The following RHOQ variants were observed in gnomAD, a reference collection of about 807,000 sequenced individuals.
The protein encoded by RHOQ is ras homolog family member Q.
In RHOQ, 7 loss-of-function variants were observed where a neutral mutation model predicts 25.8. The ratio of observed to expected loss-of-function variants is 0.27; its 90% CI spans 0.15 to 0.51. The LOEUF (loss-of-function observed/expected upper bound fraction) is 0.51. RHOQ is among the 20% of genes least tolerant of loss of function. The pLI is 0.97. For missense variants in RHOQ, 165 were observed against 260.6 expected, an observed-to-expected ratio of 0.63 and a Z score of 2.53; for synonymous variants, 97 against 98.6, an observed-to-expected ratio of 0.98 and a Z score of 0.10.
intron 4 of RHOQ, 162 bp from the exon 5 acceptor site, chr2:46,580,766 T>C (rs762500512): frequency 6.3e-6 from 3 of 477,104 alleles, no homozygotes; most frequent in South Asian, 5.6e-5. Context: ...GAAGGACATA[T>C]ACTAGTATTT....
intron 1 of RHOQ, 97 bp from the exon 2 acceptor site, chr2:46,543,657 C>A: frequency 9.3e-7 from 1 of 1,072,604 alleles, no homozygotes; most frequent in Non-Finnish European, 1.4e-6. Context: ...ACGCCTCTAG[C>A]TGGGTTGGGA....
chr2:46,575,972 A>G (rs1669109730), intron 2 of RHOQ, 115 bp from the exon 3 acceptor site: 2 of 765,888 alleles, frequency 2.6e-6, no homozygotes, highest in Admixed American at 3.5e-5. Context: ...AGTGCCATAC[A>G]TTCCACTAGT....
Position 46,572,871 on chromosome 2 carries a change from C to T in RHOQ, c.202-3216C>T, listed in dbSNP as rs899018206. The T allele has an allele frequency of 4.7e-5, 18 of 379,888 alleles. No homozygotes were observed. In the Admixed American group the frequency reaches 5.4e-4, roughly 11 times the overall value. 23.5% of individuals were successfully genotyped at this position (379,888 alleles called of 1,614,324 possible). On this transcript the variant is annotated intron_variant, in intron 2 of 4. Coordinates refer to ENST00000238738, the MANE Select transcript of RHOQ (RefSeq NM_012249.4). ...GAAGATGAAAGATTCTGCACACCTCCACTTATTCATTCCCAAATCCCACAT... is the reference window on the plus strand; with the variant it reads ...GAAGATGAAAGATTCTGCACACCTCTACTTATTCATTCCCAAATCCCACAT...
chr2:46,574,781 T>C (rs1475729087), intron 2 of RHOQ, among the ~76,000 whole-genome samples: 1 of 152,160 alleles, frequency 6.6e-6, no homozygotes, highest in Non-Finnish European at 1.5e-5. Context: ...AAAGTTATAT[T>C]ATGAAAAATG....
At position 46,576,348 on chromosome 2, in the gene RHOQ, G is replaced by GT. The variant is rs534359566; in HGVS notation, c.366+98dup. On this transcript the variant is annotated intron_variant, in intron 3 of 4. Transcript: ENST00000238738. This position sits in a 1 kb window ranked among gnomAD's most constrained non-coding sequence, Gnocchi z 5.1. The stretch of plus-strand genomic sequence containing the variant: ...ACAGTCCCAAAGCTGAGCAAATGAT[G>GT]TAAGTGTTTAATCTCAGCTGCAAGT... 5.6e-5 allele frequency: 63 copies of GT among 1,123,328 alleles called. 1 individual carries two copies. The East Asian group carries it at 8.9e-4, about 16-fold the overall frequency. 69.6% of individuals were successfully genotyped at this position (1,123,328 alleles called of 1,614,324 possible). A position where few individuals can be genotyped will look rare whatever the true frequency, so the allele number is the denominator to read the frequency against.
In RHOQ at chr2:46,584,677, G is replaced by A. The variant is rs895562127; in HGVS notation, c.*3594G>A. On this transcript the variant is annotated 3_prime_UTR_variant, in exon 5 of 5. Coordinates refer to ENST00000238738, the MANE Select transcript of RHOQ (RefSeq NM_012249.4). The stretch of plus-strand genomic sequence containing the variant: ...GCAAATTAAAATGTGGACTGGCTTT[G>A]AAGACTGTTAATGATGGGTCAGGCT... Among the ~76,000 whole-genome samples, 3 of 152,170 alleles carry A rather than the reference G, an allele frequency of 2.0e-5. No individual in the cohort carries two copies. The highest frequency in any genetic ancestry group is 4.4e-5 in the Non-Finnish European group (3 of 68,020).
At chr2:46,564,941 T>C (rs1668685467) in intron 2 of RHOQ, among the ~76,000 whole-genome samples, 1 of 152,204 alleles carries the variant, frequency 6.6e-6, no homozygotes, top group African/African-American at 2.4e-5. Flanking sequence ...AACACAGCAA[T>C]GGGCTATGTA....
intron 2 of RHOQ, chr2:46,560,759 C>G (rs530188153): frequency 3.2e-6 from 1 of 313,746 alleles, no homozygotes; most frequent in Non-Finnish European, 6.7e-6. Context: ...TCTGTATAGA[C>G]CATGACTTTT....
Position 46,552,228 on chromosome 2 carries a change from T to G in RHOQ, c.201+8416T>G, listed in dbSNP as rs6740585. 0.024 allele frequency among the ~76,000 whole-genome samples: 3,695 copies of G among 152,276 alleles called. 49 individuals carry two copies. Among genetic ancestry groups the G allele is most frequent in the African/African-American group, 0.032 (1,338 of 41,554 alleles). On this transcript the variant is annotated intron_variant, in intron 2 of 4. Coordinates refer to ENST00000238738, the MANE Select transcript of RHOQ (RefSeq NM_012249.4). The surrounding 1 kb of genome is among the most constrained non-coding windows in gnomAD (Gnocchi z 5.0). ...TGCCCCACGTGACGTTACGGGTGTT[T>G]TGTCACTTTGTCCCTAAACCACCAT...
chr2:46,543,320 G>T (rs1376171264), intron 1 of RHOQ, 132 bp downstream of exon 1: 43 of 990,748 alleles, frequency 4.3e-5, no homozygotes, highest in Non-Finnish European at 3.9e-5. Flanking sequence ...TCTGCCAGGC[G>T]GCCGGCCCCA....
intron 2 of RHOQ, among the ~76,000 whole-genome samples, chr2:46,544,799 G>C (rs578120460): frequency 6.6e-6 from 1 of 152,326 alleles, no homozygotes; most frequent in African/African-American, 2.4e-5. Flanking sequence ...GTCTTTGGGG[G>C]AAGTCCAGTA....
In RHOQ at chr2:46,576,464, C is replaced by T; in HGVS notation, c.367-97C>T. ...TAAAAATTAAGTTCTTTTGTTTAATCTTTTTTTGGTATGTGGGAATTAAGT... is the reference window on the plus strand; with the variant it reads ...TAAAAATTAAGTTCTTTTGTTTAATTTTTTTTTGGTATGTGGGAATTAAGT... On this transcript the variant is annotated intron_variant, in intron 3 of 4. Transcript: ENST00000238738. This position sits in a 1 kb window ranked among gnomAD's most constrained non-coding sequence, Gnocchi z 5.1. 1.1e-6 allele frequency: 1 copy of T among 919,488 alleles called. No homozygotes were observed. 57.0% of individuals were successfully genotyped at this position (919,488 alleles called of 1,614,324 possible).
At chr2:46,579,049 A>G (rs774987021) in intron 4 of RHOQ, among the ~76,000 whole-genome samples, 6 of 152,242 alleles carry the variant, frequency 3.9e-5, no homozygotes, top group Non-Finnish European at 7.3e-5. Context: ...TATAATGGCA[A>G]AAATTCCCTG....
intron 4 of RHOQ, chr2:46,580,638 G>T: frequency 4.3e-6 from 1 of 232,348 alleles, no homozygotes; most frequent in Non-Finnish European, 8.3e-6. Flanking sequence ...CCACACAGCA[G>T]GGACTCTGCT....
At chr2:46,554,628 G>A (rs751089431) in intron 2 of RHOQ, among the ~76,000 whole-genome samples, 11 of 152,040 alleles carry the variant, frequency 7.2e-5, no homozygotes, top group Non-Finnish European at 1.2e-4. Flanking sequence ...TTCCCCAGGC[G>A]GGTCACAAGG....
At chr2:46,557,445 AG>A (rs890669432) in intron 2 of RHOQ, among the ~76,000 whole-genome samples, 4 of 152,226 alleles carry the variant, frequency 2.6e-5, no homozygotes, top group African/African-American at 9.6e-5. Context: ...GTGAAAAAGC[AG>A]GAATCAAAAC....
intron 2 of RHOQ, among the ~76,000 whole-genome samples, chr2:46,561,968 GCTGCCAGTGTCT>G (rs1396255514): frequency 6.6e-6 from 1 of 152,166 alleles, no homozygotes; most frequent in African/African-American, 2.4e-5. Flanking sequence ...ACATCCCCTT[GCTGCCAGTGTCT>G]CACTGGTTGC....
intron 2 of RHOQ, among the ~76,000 whole-genome samples, chr2:46,544,234 C>T (rs1011685232): frequency 2.0e-5 from 3 of 152,178 alleles, no homozygotes; most frequent in Middle Eastern, 6.3e-3. Context: ...GAAATGGCAT[C>T]ATCTAATATG....
At chr2:46,561,050 T>C (rs1003407238) in intron 2 of RHOQ, among the ~76,000 whole-genome samples, 3 of 151,008 alleles carry the variant, frequency 2.0e-5, no homozygotes, top group Non-Finnish European at 4.4e-5. Flanking sequence ...ACAAAACCTG[T>C]ATATAGACAT....
Sources: gnomAD v4.1 joint callset for allele counts (sites outside exome capture counted in the v4.1 genomes callset) on GRCh38, gnomAD v4.1.1 for gene constraint, Gnocchi (gnomAD v3.1) non-coding constraint, MANE v1.5 for transcripts, NCBI Gene and HGNC (gene_info 2026-07-23, HGNC 2026-07-21) for gene names.